The following TCF21 variants were observed in gnomAD, a reference collection of about 807,000 sequenced individuals.
TCF21 encodes capsulin.
A neutral mutation model predicts 13.5 loss-of-function variants in TCF21; 3 were observed. The ratio of observed to expected loss-of-function variants is 0.22; its 90% confidence interval spans 0.10 to 0.57. The LOEUF is 0.57. Among genes scored for constraint, TCF21 ranks in the 20% least tolerant of loss-of-function variants. The pLI, the probability that TCF21 is intolerant of heterozygous loss-of-function variation, is 0.92. For synonymous variants in TCF21, 92 were observed against 101.7 expected (o/e 0.90, Z 0.57); for missense variants, 181 against 238.4 (o/e 0.76, Z 1.59).
chr6:133,894,147 G>T (rs1212010533), downstream of TCF21: 2 of 152,170 alleles, frequency 1.3e-5, no homozygotes, highest in Non-Finnish European at 2.9e-5. Context: ...CAGGCAGGAA[G>T]TTCCAAGGGA....
chr6:133,891,769 C>G lies in TCF21; in HGVS notation c.507C>G (p.Thr169=). The G allele has an allele frequency of 6.2e-7, 1 of 1,613,978 alleles. No homozygotes were observed. Among genetic ancestry groups the G allele is most frequent in the Non-Finnish European group, 8.5e-7 (1 of 1,179,982 alleles). The stretch of plus-strand genomic sequence containing the variant: ...AGAGTGACCTGAAAGAAGTGGTGAC[C>G]GCGAGCCGCTTATGTGGAACCACCG... The part of the protein sequence containing the change: ...KPESDLKEVV[T]ASRLCGTTAS The change falls in exon 2 of 2, where the codon ACC becomes ACG. Residue 169 remains threonine (T), a synonymous_variant. Transcript: ENST00000367882.
downstream of TCF21, chr6:133,893,080 C>T (rs896191614): frequency 6.6e-6 from 1 of 152,240 alleles, no homozygotes; most frequent in Non-Finnish European, 1.5e-5. Context: ...TACTGTTATT[C>T]CTCGCAGAGA....
Position 133,889,327 on chromosome 6 carries a change from C to G in TCF21, c.-71C>G. 1 of 1,588,174 alleles carries G rather than the reference C, an allele frequency of 6.3e-7. No homozygotes were observed. Among genetic ancestry groups the G allele is most frequent in the Non-Finnish European group, 8.6e-7 (1 of 1,164,574 alleles). On this transcript the variant is annotated 5_prime_UTR_variant, in exon 1 of 2. Coordinates refer to ENST00000367882, the MANE Select transcript of TCF21 (RefSeq NM_003206.4). This position sits in a 1 kb window ranked among gnomAD's most constrained non-coding sequence, Gnocchi z 5.1. ...GGTTTCAGGGTCTCTCTGTCTCTCT[C>G]TCACCCTCTTCCTCGCTTTCTCTGT...
At chr6:133,892,440 GA>G (rs1775234449), downstream of TCF21, 2 of 152,110 alleles carry the variant, frequency 1.3e-5, no homozygotes, top group Non-Finnish European at 2.9e-5. Context: ...CCTTAAAAAA[GA>G]AATATATCGG....
Position 133,891,853 on chromosome 6 carries a change from C to G in TCF21, c.*51C>G. 3 of 1,597,910 alleles carry G rather than the reference C, an allele frequency of 1.9e-6. No homozygotes were observed. Among genetic ancestry groups the G allele is most frequent in the South Asian group, 1.1e-5 (1 of 90,242 alleles). On this transcript the variant is annotated 3_prime_UTR_variant, in exon 2 of 2. Transcript: ENST00000367882. The stretch of plus-strand genomic sequence containing the variant: ...GCGCGCTCCCGGGGGGAGCGGGCCC[C>G]GGGAAGGCGACCCCTGCCCTCAGTG...
chr6:133,893,636 A>G (rs1001980280), downstream of TCF21: 1 of 152,086 alleles, frequency 6.6e-6, no homozygotes, highest in African/African-American at 2.4e-5. Context: ...CGTTTCGCAA[A>G]TTTTCCAATC....
Position 133,889,948 on chromosome 6 carries a change from G to C in TCF21, c.450+101G>C. The stretch of plus-strand genomic sequence containing the variant: ...GGGCTGGGAGTGGGGGTGTGGGCGC[G>C]GCGGTGACTTACACATCTCGACCAC... On this transcript the variant is annotated intron_variant, in intron 1 of 1. Transcript: ENST00000367882. The surrounding 1 kb of genome is among the most constrained non-coding windows in gnomAD (Gnocchi z 5.1). 1.5e-6 allele frequency: 2 copies of C among 1,373,152 alleles called. No individual in the cohort carries two copies. The highest frequency in any genetic ancestry group is 2.1e-6 in the Non-Finnish European group (2 of 973,426). The allele number at this position is 1,373,152 out of a possible 1,614,324, so 85.1% of individuals were successfully genotyped here. A position where few individuals can be genotyped will look rare whatever the true frequency, so the allele number is the denominator to read the frequency against.
In TCF21 at chr6:133,889,976, C is replaced by A; in HGVS notation, c.450+129C>A. ...GGTGACTTACACATCTCGACCACCGCGGGCCTAGAGCCTCCAGGGACCGGA... is the reference window on the plus strand; with the variant it reads ...GGTGACTTACACATCTCGACCACCGAGGGCCTAGAGCCTCCAGGGACCGGA... On this transcript the variant is annotated intron_variant, in intron 1 of 1. Transcript: ENST00000367882. The surrounding 1 kb of genome is among the most constrained non-coding windows in gnomAD (Gnocchi z 5.1). 1.9e-6 allele frequency: 2 copies of A among 1,049,426 alleles called. No individual in the cohort carries two copies. Among genetic ancestry groups the A allele is most frequent in the Non-Finnish European group, 2.9e-6 (2 of 695,870 alleles). 65.0% of individuals were successfully genotyped at this position (1,049,426 alleles called of 1,614,324 possible). A position where few individuals can be genotyped will look rare whatever the true frequency, so the allele number is the denominator to read the frequency against.
At position 133,891,890 on chromosome 6, in the gene TCF21, T is replaced by G; in HGVS notation, c.*88T>G. The G allele has an allele frequency of 7.3e-7, 1 of 1,369,700 alleles. No individual in the cohort carries two copies. Among genetic ancestry groups the G allele is most frequent in the Non-Finnish European group, 1.0e-6 (1 of 982,390 alleles). 84.8% of individuals were successfully genotyped at this position (1,369,700 alleles called of 1,614,324 possible). A position where few individuals can be genotyped will look rare whatever the true frequency, so the allele number is the denominator to read the frequency against. ...CCCTGCCCTCAGTGCTCTCTGTCTC[T>G]GCTTCCCCCTCGCAATGCTCCTCTC... is the stretch of plus-strand genomic sequence containing the variant. On this transcript the variant is annotated 3_prime_UTR_variant, in exon 2 of 2. Coordinates refer to ENST00000367882, the MANE Select transcript of TCF21 (RefSeq NM_003206.4).
chr6:133,889,231 T>C lies in TCF21; in HGVS notation c.-167T>C. ...CACAACTCTGCGAAGGGGAAAGGGTTGTGAGACCCAACCAGACCCCAACTC... is the reference window on the plus strand; with the variant it reads ...CACAACTCTGCGAAGGGGAAAGGGTCGTGAGACCCAACCAGACCCCAACTC... On this transcript the variant is annotated 5_prime_UTR_variant, in exon 1 of 2. Coordinates refer to ENST00000367882, the MANE Select transcript of TCF21 (RefSeq NM_003206.4). The surrounding 1 kb of genome is among the most constrained non-coding windows in gnomAD (Gnocchi z 5.1). The C allele has an allele frequency of 1.2e-6, 1 of 806,188 alleles. No homozygotes were observed. The highest frequency in any genetic ancestry group is 3.6e-4 in the Middle Eastern group (1 of 2,806). The allele number at this position is 806,188 out of a possible 1,614,324, so 49.9% of individuals were successfully genotyped here. A position where few individuals can be genotyped will look rare whatever the true frequency, so the allele number is the denominator to read the frequency against.
At position 133,889,625 on chromosome 6, in the gene TCF21, G is replaced by T. The variant is rs1775173762; in HGVS notation, c.228G>T (p.Gly76=). 1 of 1,613,744 alleles carries T rather than the reference G, an allele frequency of 6.2e-7. No homozygotes were observed. The highest frequency in any genetic ancestry group is 8.5e-7 in the Non-Finnish European group (1 of 1,179,970). The change falls in exon 1 of 2, where the codon GGG becomes GGT. Residue 76 remains glycine, a synonymous_variant. Transcript: ENST00000367882. This position sits in a 1 kb window ranked among gnomAD's most constrained non-coding sequence, Gnocchi z 5.1. Reference sequence around the variant, plus strand: ...CCCTGAGCGGGGTCAGCCAGGAGGGGAAGCAGGTCCAGCGCAACGCCGCCA... The same window carrying T: ...CCCTGAGCGGGGTCAGCCAGGAGGGTAAGCAGGTCCAGCGCAACGCCGCCA... ...KSPLSGVSQE[G]KQVQRNAANA... is the part of the protein sequence containing the mutation.
chr6:133,889,645 C>A lies in TCF21; in HGVS notation c.248C>A (p.Ala83Asp). 2 of 1,613,814 alleles carry A rather than the reference C, an allele frequency of 1.2e-6. No homozygotes were observed. The highest frequency in any genetic ancestry group is 4.5e-5 in the East Asian group (2 of 44,814). The change falls in exon 1 of 2, where the codon GCC (alanine) becomes GAC (aspartate). Residue 83 changes from alanine (A) to aspartate (D), a missense_variant. Around this residue, in one of 3 missense-constraint regions of TCF21, gnomAD observed 35 missense variants for 80.4 expected, o/e 0.44. Transcript: ENST00000367882. This position sits in a 1 kb window ranked among gnomAD's most constrained non-coding sequence, Gnocchi z 5.1. ...SQEGKQVQRNAANARERARMR... is the reference protein window; with the variant it reads ...SQEGKQVQRNDANARERARMR... ...GAGGGGAAGCAGGTCCAGCGCAACG[C>A]CGCCAACGCGCGAGAGCGGGCCCGC...
In TCF21 at chr6:133,889,968, G is replaced by C. The variant is rs1405544913; in HGVS notation, c.450+121G>C. On this transcript the variant is annotated intron_variant, in intron 1 of 1. Transcript: ENST00000367882. The surrounding 1 kb of genome is among the most constrained non-coding windows in gnomAD (Gnocchi z 5.1). ...GGCGCGGCGGTGACTTACACATCTCGACCACCGCGGGCCTAGAGCCTCCAG... is the reference window on the plus strand; with the variant it reads ...GGCGCGGCGGTGACTTACACATCTCCACCACCGCGGGCCTAGAGCCTCCAG... The C allele has an allele frequency of 2.7e-6, 3 of 1,125,314 alleles. No homozygotes were observed. In the African/African-American group the frequency reaches 4.6e-5, roughly 17 times the overall value. The allele number at this position is 1,125,314 out of a possible 1,614,324, so 69.7% of individuals were successfully genotyped here.
chr6:133,889,882 C>G lies in TCF21; in HGVS notation c.450+35C>G, dbSNP rs1457759589. 1 of 1,609,126 alleles carries G rather than the reference C, an allele frequency of 6.2e-7. No homozygotes were observed. Among genetic ancestry groups the G allele is most frequent in the Non-Finnish European group, 8.5e-7 (1 of 1,176,992 alleles). ...CCCGGGGCTGCAGCTGCAGTCCAGG[C>G]GCGCCCGCACTCCCGCCTGCGGTGG... On this transcript the variant is annotated intron_variant, in intron 1 of 1. Transcript: ENST00000367882. This position sits in a 1 kb window ranked among gnomAD's most constrained non-coding sequence, Gnocchi z 5.1.
chr6:133,889,387 C>A lies in TCF21; in HGVS notation c.-11C>A. ...TCTCTCTCTCTCTCTCCCTCGTCCA[C>A]TCCCCCAAACATGTCCACCGGCTCC... On this transcript the variant is annotated 5_prime_UTR_variant, in exon 1 of 2. Transcript: ENST00000367882. This position sits in a 1 kb window ranked among gnomAD's most constrained non-coding sequence, Gnocchi z 5.1. 6.2e-7 allele frequency: 1 copy of A among 1,613,540 alleles called. No individual in the cohort carries two copies.
chr6:133,890,705 A>T (rs1259557767), intron 1 of TCF21, among the ~76,000 whole-genome samples: 1 of 152,240 alleles, frequency 6.6e-6, no homozygotes, highest in Non-Finnish European at 1.5e-5. Context: ...GAAAAACAAT[A>T]ACAACAACTT....
At chr6:133,890,754 T>C (rs943678084) in intron 1 of TCF21, among the ~76,000 whole-genome samples, 2 of 152,202 alleles carry the variant, frequency 1.3e-5, no homozygotes, top group African/African-American at 2.4e-5. Context: ...AATGAGAGAT[T>C]TTTCCTTTTA....
chr6:133,890,450 T>G (rs896993660), intron 1 of TCF21, among the ~76,000 whole-genome samples: 3 of 152,210 alleles, frequency 2.0e-5, no homozygotes, highest in Admixed American at 2.0e-4. Flanking sequence ...GTTCTAGTAA[T>G]GATCAGCAAA....
Position 133,889,503 on chromosome 6 carries a change from G to A in TCF21, c.106G>A (p.Glu36Lys). 2 of 1,614,120 alleles carry A rather than the reference G, an allele frequency of 1.2e-6. No individual in the cohort carries two copies. The highest frequency in any genetic ancestry group is 1.7e-6 in the Non-Finnish European group (2 of 1,180,002). ...DSNKEFVTSN[E>K]STEESSNCEN... ...GAACAAGGAATTTGTGACTTCCAAC[G>A]AGAGCACCGAGGAGAGCTCCAACTG... Residue 36 changes from glutamate (E) to lysine (K), a missense_variant, in exon 1 of 2, where the codon GAG becomes AAG. By Grantham distance (56) the Glu-to-Lys change is moderately conservative. Coordinates refer to ENST00000367882, the MANE Select transcript of TCF21 (RefSeq NM_003206.4). The surrounding 1 kb of genome is among the most constrained non-coding windows in gnomAD (Gnocchi z 5.1).
Sources: allele counts gnomAD v4.1 joint callset (sites outside exome capture counted in the v4.1 genomes callset), GRCh38; gene constraint gnomAD v4.1.1; regional missense constraint gnomAD v4.1.1; non-coding constraint Gnocchi (gnomAD v3.1); transcripts MANE v1.5; gene names NCBI Gene and HGNC (gene_info 2026-07-23, HGNC 2026-07-21).